Variants in ANKRD28 observed in about 807,000 individuals in gnomAD.
The protein encoded by ANKRD28 is ankyrin repeat domain 28.
ANKRD28 carries 44 observed loss-of-function variants against 126.5 expected under a neutral mutation model. The observed-to-expected ratio is 0.35, with a 90% CI of 0.27 to 0.45. ANKRD28 has a LOEUF of 0.45. Ranked by LOEUF, ANKRD28 falls within the 20% of genes least tolerant of loss-of-function variation. The pLI is 1.00. For missense variants in ANKRD28, 1,110 were observed against 1,316.6 expected (o/e 0.84, Z 2.43); for synonymous variants, 442 against 468.5 (o/e 0.94, Z 0.73).
rs1023250475 is a variant in ANKRD28 at position 15,746,869 on chromosome 3, C to T, written c.351+4881G>A. Among the ~76,000 whole-genome samples, 7 of 152,178 alleles carry T rather than the reference C, an allele frequency of 4.6e-5. No individual in the cohort carries two copies. In the South Asian group the frequency reaches 6.2e-4, roughly 13 times the overall value. ...CAATTTTTAAAATTATCATTTCAAT[C>T]TTGCTGCTTGTTAATGGTCTGTTCA... On this transcript the variant is annotated intron_variant, in intron 4 of 27. Transcript: ENST00000683139.
At chr3:15,756,183 G>C (rs1335140632) in intron 3 of ANKRD28, among the ~76,000 whole-genome samples, 5 of 152,156 alleles carry the variant, frequency 3.3e-5, no homozygotes, top group Non-Finnish European at 1.5e-5. Context: ...CACCTTTCTA[G>C]AGTAGAGATG....
chr3:15,822,056 T>C (rs1413294026), intron 1 of ANKRD28, among the ~76,000 whole-genome samples: 1 of 152,158 alleles, frequency 6.6e-6, no homozygotes, highest in Non-Finnish European at 1.5e-5. Flanking sequence ...AATAAAGGTT[T>C]TGAAAGCTCC....
chr3:15,802,771 AT>A (rs1324433751), upstream of ANKRD28, among the ~76,000 whole-genome samples: 2 of 152,218 alleles, frequency 1.3e-5, no homozygotes, highest in Non-Finnish European at 2.9e-5. Context: ...AAATCTCTAA[AT>A]GAGAAACAGG....
At chr3:15,739,172 C>G (rs2075264987) in intron 4 of ANKRD28, among the ~76,000 whole-genome samples, 1 of 152,072 alleles carries the variant, frequency 6.6e-6, no homozygotes, top group Admixed American at 6.6e-5. Context: ...AGGTGATGTA[C>G]ATCCTCAGCT....
chr3:15,761,635 C>A (rs1383368697), intron 3 of ANKRD28, among the ~76,000 whole-genome samples: 2 of 152,110 alleles, frequency 1.3e-5, no homozygotes, highest in African/African-American at 4.8e-5. Context: ...GATATTTATT[C>A]TGAACTAAAA....
chr3:15,691,046 C>A (rs937808308), intron 17 of ANKRD28, among the ~76,000 whole-genome samples: 1 of 152,012 alleles, frequency 6.6e-6, no homozygotes, highest in Non-Finnish European at 1.5e-5. Flanking sequence ...TAACCGAGCC[C>A]TGCTTGAATA....
rs546809737 is a variant in ANKRD28, at chr3:15,714,702, G to A, written c.997-46C>T. 12 of 1,381,272 alleles carry A rather than the reference G, an allele frequency of 8.7e-6. No homozygotes were observed. In the East Asian group the frequency reaches 1.2e-4, roughly 14 times the overall value. The allele number at this position is 1,381,272 out of a possible 1,614,324, so 85.6% of individuals were successfully genotyped here. A position where few individuals can be genotyped will look rare whatever the true frequency, so the allele number is the denominator to read the frequency against. The stretch of plus-strand genomic sequence containing the variant: ...TTACTCACTCTACTATATCCATAAT[G>A]TGTAAACCTTAGTTTTACTTTGAAT... On this transcript the variant is annotated intron_variant, in intron 8 of 27. Transcript: ENST00000683139.
upstream of ANKRD28, among the ~76,000 whole-genome samples, chr3:15,801,585 T>G (rs1258613862): frequency 6.6e-6 from 1 of 152,182 alleles, no homozygotes; most frequent in Non-Finnish European, 1.5e-5. The surrounding 1 kb of genome is among the most constrained non-coding windows in gnomAD (Gnocchi z 4.9). Context: ...CCAATCTTCT[T>G]GAGCTACGCC....
At chr3:15,742,251 G>A (rs2057096224) in intron 4 of ANKRD28, among the ~76,000 whole-genome samples, 1 of 150,636 alleles carries the variant, frequency 6.6e-6, no homozygotes, top group South Asian at 2.1e-4. Flanking sequence ...TGGAAAGTGA[G>A]GAGCGTCTCT....
At chr3:15,779,551 A>G (rs1416720904) in intron 2 of ANKRD28, among the ~76,000 whole-genome samples, 1 of 152,168 alleles carries the variant, frequency 6.6e-6, no homozygotes, top group African/African-American at 2.4e-5. Flanking sequence ...CTGCGTTAAG[A>G]TATCTTTGAG....
At position 15,685,209 on chromosome 3, in the gene ANKRD28, G is replaced by T. The variant is rs2067973452; in HGVS notation, c.2389+17C>A. On this transcript the variant is annotated intron_variant, in intron 21 of 27. Coordinates refer to ENST00000683139, the MANE Select transcript of ANKRD28 (RefSeq NM_001349278.2). ...GTTCACTACACAATGATATGCATTT[G>T]TGTTTGTATACTTAACCATTGTAGC... 1.9e-6 allele frequency: 3 copies of T among 1,609,040 alleles called. No homozygotes were observed. The highest frequency in any genetic ancestry group is 2.6e-6 in the Non-Finnish European group (3 of 1,175,748).
At chr3:15,687,191 C>A (rs2068230035) in intron 18 of ANKRD28, among the ~76,000 whole-genome samples, 2 of 152,102 alleles carry the variant, frequency 1.3e-5, no homozygotes, top group African/African-American at 2.4e-5. Context: ...GATCCACCCA[C>A]CTCGGCCTCC....
chr3:15,819,224 G>A (rs2060892553), intron 1 of ANKRD28, among the ~76,000 whole-genome samples: 1 of 152,174 alleles, frequency 6.6e-6, no homozygotes, highest in Non-Finnish European at 1.5e-5. Context: ...GCTGTAGTGA[G>A]CTGAGAGCAT....
Position 15,709,723 on chromosome 3 carries a change from G to T in ANKRD28, c.1351C>A (p.Leu451Ile). The stretch of plus-strand genomic sequence containing the variant: ...GCACCAGTATTCAGCAGAAGGTTTA[G>T]GCACTCCAAATTCCTATTGAGAGAA... ...AAAAGGNLECLNLLLNTGADF... is the reference protein window; with the variant it reads ...AAAAGGNLECINLLLNTGADF... The change falls in exon 13 of 28, where the codon CTA (leucine) becomes ATA (isoleucine). Residue 451 changes from leucine to isoleucine, a missense_variant. Leu to Ile is a conservative substitution (Grantham distance 5). Transcript: ENST00000683139. The T allele has an allele frequency of 6.4e-7, 1 of 1,570,490 alleles. No individual in the cohort carries two copies. The highest frequency in any genetic ancestry group is 8.6e-7 in the Non-Finnish European group (1 of 1,156,768).
At chr3:15,742,034 C>G (rs2125226747) in intron 4 of ANKRD28, among the ~76,000 whole-genome samples, 1 of 152,304 alleles carries the variant, frequency 6.6e-6, no homozygotes, top group South Asian at 2.1e-4. Context: ...CTGGTTCACT[C>G]AGTGCTCAAT....
rs963031810 is a variant in ANKRD28 at position 15,724,479 on chromosome 3, A to G, written c.686T>C (p.Val229Ala). ...VKLLVSHGAE[V>A]TCKDKKSYTP... is the part of the protein sequence containing the mutation. ...ATAAGACTTTTTATCCTTGCATGTC[A>G]CTTCAGCTCCATGCGACACAAGCAA... Residue 229 changes from valine to alanine, a missense_variant, in exon 7 of 28, where the codon GTG (valine) becomes GCG (alanine). Coordinates refer to ENST00000683139, the MANE Select transcript of ANKRD28 (RefSeq NM_001349278.2). 21 of 1,593,586 alleles carry G rather than the reference A, an allele frequency of 1.3e-5. No homozygotes were observed. Among genetic ancestry groups the G allele is most frequent in the Non-Finnish European group, 1.8e-5 (21 of 1,169,096 alleles).
chr3:15,857,380 G>A (rs928548483), intron 1 of ANKRD28, among the ~76,000 whole-genome samples: 1 of 152,174 alleles, frequency 6.6e-6, no homozygotes, highest in Admixed American at 6.5e-5. Context: ...TGTCTCCCGG[G>A]TTCAATCGAT....
chr3:15,681,341 A>G (rs2125708329), intron 21 of ANKRD28, among the ~76,000 whole-genome samples: 1 of 152,356 alleles, frequency 6.6e-6, no homozygotes, highest in Non-Finnish European at 1.5e-5. Context: ...ACCCATGGAT[A>G]TGGAGGGCTG....
rs569384250 is a variant in ANKRD28, at chr3:15,830,790, C to T, written c.27+28587G>A. 6.6e-6 allele frequency among the ~76,000 whole-genome samples: 1 copy of T among 152,022 alleles called. No homozygotes were observed. The highest frequency in any genetic ancestry group is 2.1e-4 in the South Asian group (1 of 4,814). ...GGGGCTTTGGTCCATGACAGATAGTCTAACAATATGATTCTTGGTGGGACC... is the reference window on the plus strand; with the variant it reads ...GGGGCTTTGGTCCATGACAGATAGTTTAACAATATGATTCTTGGTGGGACC... On this transcript the variant is annotated intron_variant, in intron 1 of 27. Transcript: ENST00000399451. This position sits in a 1 kb window ranked among gnomAD's most constrained non-coding sequence, Gnocchi z 4.5.
Sources: allele counts gnomAD v4.1 joint callset (sites outside exome capture counted in the v4.1 genomes callset), GRCh38; gene constraint gnomAD v4.1.1; non-coding constraint Gnocchi (gnomAD v3.1); transcripts MANE v1.5; gene names NCBI Gene and HGNC (gene_info 2026-07-23, HGNC 2026-07-21).